Variants in FOXP1 observed in about 807,000 individuals in gnomAD.
FOXP1 encodes the protein forkhead box protein P1.
A neutral mutation model predicts 98.2 loss-of-function variants in FOXP1; 15 were observed. The observed-to-expected ratio is 0.15, with a 90% CI of 0.10 to 0.24. The LOEUF (loss-of-function observed/expected upper bound fraction) is 0.24, where lower values mean the gene tolerates loss of function less well. FOXP1 is among the 10% of genes least tolerant of loss of function. The probability of loss-of-function intolerance (pLI) is 1.00; values close to 1 mark genes in which losing one functional copy is unlikely to be tolerated. For synonymous variants in FOXP1, 371 were observed against 314.5 expected (o/e 1.18, Z -1.90); for missense variants, 633 against 848.5 (o/e 0.75, Z 3.15).
intron 7 of FOXP1, among the ~76,000 whole-genome samples, chr3:71,084,110 G>A (rs1215276156): frequency 1.3e-5 from 2 of 152,122 alleles, no homozygotes; most frequent in African/African-American, 4.8e-5. Flanking sequence ...CCAGGTTTCA[G>A]TTCACCACCT....
intron 5 of FOXP1, among the ~76,000 whole-genome samples, chr3:71,256,066 A>AGCT (rs2068596512): frequency 6.6e-6 from 1 of 152,204 alleles, no homozygotes; most frequent in African/African-American, 2.4e-5. Flanking sequence ...TTCAGCAGCA[A>AGCT]GCTAAGCTAC....
intron 2 of FOXP1, among the ~76,000 whole-genome samples, chr3:71,559,306 C>A (rs2046372030): frequency 1.3e-5 from 2 of 152,216 alleles, no homozygotes; most frequent in Non-Finnish European, 2.9e-5. Context: ...ATTTCTGTAA[C>A]ATGGGAATGA....
intron 3 of FOXP1, among the ~76,000 whole-genome samples, chr3:71,461,639 A>G (rs572187324): frequency 1.3e-4 from 20 of 152,152 alleles, no homozygotes; most frequent in African/African-American, 4.6e-4. Context: ...CGTCTCTACT[A>G]AAAAAACAAA....
chr3:71,038,340 G>A (rs777908970), intron 11 of FOXP1, among the ~76,000 whole-genome samples: 1 of 152,202 alleles, frequency 6.6e-6, no homozygotes. Flanking sequence ...TAGTTATTCA[G>A]TGTGGCAGAG....
intron 3 of FOXP1, among the ~76,000 whole-genome samples, chr3:71,443,369 C>T (rs2086121787): frequency 6.6e-6 from 1 of 152,188 alleles, no homozygotes; most frequent in Non-Finnish European, 1.5e-5. Flanking sequence ...TCTTCTAGCT[C>T]TTTTGAAATA....
At chr3:71,381,118 C>T (rs563025012) in intron 3 of FOXP1, among the ~76,000 whole-genome samples, 12 of 151,090 alleles carry the variant, frequency 7.9e-5, no homozygotes, top group African/African-American at 2.9e-4. Flanking sequence ...GTTTTATCTG[C>T]TATTGACTCA....
intron 5 of FOXP1, among the ~76,000 whole-genome samples, chr3:71,200,688 A>G (rs1054782324): frequency 2.0e-5 from 3 of 152,252 alleles, no homozygotes; most frequent in African/African-American, 7.2e-5. Context: ...GAAAATTTTT[A>G]GGCAAATGTG....
At chr3:71,143,065 T>C (rs1249364834) in intron 6 of FOXP1, among the ~76,000 whole-genome samples, 2 of 152,088 alleles carry the variant, frequency 1.3e-5, no homozygotes, top group Admixed American at 1.3e-4. Context: ...GGGCCTCACT[T>C]TCCTCATCTG....
At chr3:71,030,361 C>T (rs1465586895) in intron 11 of FOXP1, among the ~76,000 whole-genome samples, 1 of 152,144 alleles carries the variant, frequency 6.6e-6, no homozygotes, top group Non-Finnish European at 1.5e-5. Flanking sequence ...AGGGGGTCTT[C>T]CCTTTCTTAT....
intron 6 of FOXP1, among the ~76,000 whole-genome samples, chr3:71,194,261 CAAAA>C (rs11445848): frequency 1.8e-5 from 2 of 113,762 alleles, no homozygotes; most frequent in African/African-American, 2.9e-5. Context: ...CAGGTGGTAC[CAAAA>C]AAAAAAAAAA....
chr3:70,968,238 G>T (rs952405580), intron 19 of FOXP1: 3 of 152,100 alleles, frequency 2.0e-5, no homozygotes, highest in Admixed American at 6.5e-5. Context: ...CAAATGGGCT[G>T]CAGAGAGATC....
At chr3:71,381,435 G>GA (rs1432254737) in intron 3 of FOXP1, among the ~76,000 whole-genome samples, 5 of 132,390 alleles carry the variant, frequency 3.8e-5, no homozygotes, top group Non-Finnish European at 8.2e-5. Flanking sequence ...ACTGCGCCTG[G>GA]CCTTTTTTTT....
chr3:71,064,031 A>C (rs1450348441), intron 7 of FOXP1, among the ~76,000 whole-genome samples: 1 of 152,066 alleles, frequency 6.6e-6, no homozygotes, highest in Non-Finnish European at 1.5e-5. Flanking sequence ...TTCAGCTGGG[A>C]GTACCCCGTG....
At chr3:71,181,586 C>T (rs1348379692) in intron 6 of FOXP1, among the ~76,000 whole-genome samples, 4 of 152,140 alleles carry the variant, frequency 2.6e-5, no homozygotes, top group Non-Finnish European at 5.9e-5. Context: ...CTTTCCAGCT[C>T]CCCAGGGCAG....
chr3:71,191,199 G>A (rs1490296110), intron 6 of FOXP1, among the ~76,000 whole-genome samples: 1 of 152,176 alleles, frequency 6.6e-6, no homozygotes, highest in Non-Finnish European at 1.5e-5. Context: ...AGCAAAGTAG[G>A]TTCCTTGCCT....
intron 11 of FOXP1, among the ~76,000 whole-genome samples, chr3:71,034,697 C>T (rs1322044767): frequency 6.6e-6 from 1 of 152,126 alleles, no homozygotes; most frequent in African/African-American, 2.4e-5. Flanking sequence ...TCCTTTCATC[C>T]TTGACAAGAG....
rs185993228 is a variant in FOXP1, at chr3:71,136,696, C to T, written c.181-24059G>A. Among the ~76,000 whole-genome samples, 164 of 152,110 alleles carry T rather than the reference C, an allele frequency of 1.1e-3. 1 individual carries two copies. The highest frequency in any genetic ancestry group is 3.5e-3 in the African/African-American group (146 of 41,512). Reference sequence around the variant, plus strand: ...ATCAACAACTGTTTTTTGCTGTTTTCTCCTTGACTGAACATTATGAGAGCA... The same window carrying T: ...ATCAACAACTGTTTTTTGCTGTTTTTTCCTTGACTGAACATTATGAGAGCA... On this transcript the variant is annotated intron_variant, in intron 6 of 20. Transcript: ENST00000649528.
At chr3:71,396,973 TATATATATGTGTATATATATACAC>T (rs199588388) in intron 3 of FOXP1, among the ~76,000 whole-genome samples, 858 of 27,378 alleles carry the variant, frequency 0.031, 147 homozygotes, top group East Asian at 0.095. Flanking sequence ...TGTGTGTATA[TATATATATGTGTATATATATACAC>T]ATATATATGT....
At chr3:71,262,265 A>C (rs993483140) in intron 5 of FOXP1, among the ~76,000 whole-genome samples, 45 of 24,866 alleles carry the variant, frequency 1.8e-3, no homozygotes, top group South Asian at 1.6e-3. Context: ...ACTCTGTCAC[A>C]AAAAAAAAAA....
Sources: allele counts gnomAD v4.1 joint callset (sites outside exome capture counted in the v4.1 genomes callset), GRCh38; gene constraint gnomAD v4.1.1; transcripts MANE v1.5; gene names NCBI Gene and HGNC (gene_info 2026-07-23, HGNC 2026-07-21).